The following DIXDC1 variants were observed in gnomAD, a reference collection of about 807,000 sequenced individuals.
DIXDC1 encodes the protein DIX domain containing 1.
A neutral mutation model predicts 103.1 loss-of-function variants in DIXDC1; 64 were observed. That is an observed-to-expected ratio of 0.62 (90% CI 0.51 to 0.76). DIXDC1 has a LOEUF of 0.76. DIXDC1 is among the 30% of genes least tolerant of loss of function. The pLI, the probability that DIXDC1 is intolerant of heterozygous loss-of-function variation, is 0.00. For synonymous variants in DIXDC1, 266 were observed against 298.5 expected (o/e 0.89, Z 1.12); for missense variants, 759 against 834.2 (o/e 0.91, Z 1.11).
In DIXDC1 at chr11:111,977,504, G is replaced by T; in HGVS notation, c.656+2521G>T. ...GCGAGGGGAGGCAGCTTCCGCCGGGGCCGGGCTGCTGCACAGTCTGAGCGG... is the reference window on the plus strand; with the variant it reads ...GCGAGGGGAGGCAGCTTCCGCCGGGTCCGGGCTGCTGCACAGTCTGAGCGG... On this transcript the variant is annotated intron_variant, in intron 5 of 19. Coordinates refer to ENST00000440460, the MANE Select transcript of DIXDC1 (RefSeq NM_001037954.4). This position sits in a 1 kb window ranked among gnomAD's most constrained non-coding sequence, Gnocchi z 6.1. 1 of 1,348,618 alleles carries T rather than the reference G, an allele frequency of 7.4e-7. No homozygotes were observed. Among genetic ancestry groups the T allele is most frequent in the Non-Finnish European group, 9.5e-7 (1 of 1,054,016 alleles). The allele number at this position is 1,348,618 out of a possible 1,614,324, so 83.5% of individuals were successfully genotyped here.
chr11:112,002,039 G>A (rs1025862587), intron 17 of DIXDC1, among the ~76,000 whole-genome samples: 5 of 152,116 alleles, frequency 3.3e-5, no homozygotes, highest in Non-Finnish European at 7.3e-5. Context: ...TTACAGGGGT[G>A]AGCCACTGCG....
At chr11:111,994,590 G>A (rs1566549712) in intron 14 of DIXDC1, among the ~76,000 whole-genome samples, 1 of 149,418 alleles carries the variant, frequency 6.7e-6, no homozygotes, top group African/African-American at 2.5e-5. Flanking sequence ...TGTATATTAT[G>A]TATGTATATG....
intron 1 of DIXDC1, among the ~76,000 whole-genome samples, chr11:111,954,325 T>A (rs1966869522): frequency 6.6e-6 from 1 of 152,110 alleles, no homozygotes; most frequent in Non-Finnish European, 1.5e-5. Flanking sequence ...CCCATGAGAA[T>A]CTAATCCCAC....
intron 17 of DIXDC1, among the ~76,000 whole-genome samples, chr11:112,009,204 TAG>T (rs1357030986): frequency 6.6e-6 from 1 of 152,148 alleles, no homozygotes; most frequent in Non-Finnish European, 1.5e-5. Context: ...CTAGAAAATC[TAG>T]AAGAAATGGA....
At chr11:112,001,349 G>A (rs1861059505) in intron 17 of DIXDC1, among the ~76,000 whole-genome samples, 1 of 152,130 alleles carries the variant, frequency 6.6e-6, no homozygotes, top group Non-Finnish European at 1.5e-5. Flanking sequence ...TTTTCTTTTG[G>A]GATGATGACA....
At chr11:112,013,321 TG>T (rs1403269609) in intron 17 of DIXDC1, among the ~76,000 whole-genome samples, 5 of 35,710 alleles carry the variant, frequency 1.4e-4, no homozygotes, top group African/African-American at 3.9e-4. Context: ...GGTCGGGGGG[TG>T]GGGGTGGGGT....
At chr11:111,975,344 T>TA in intron 5 of DIXDC1, 1 of 1,087,826 alleles carries the variant, frequency 9.2e-7, no homozygotes, top group African/African-American at 1.6e-5. Flanking sequence ...TCCTTGAGCC[T>TA]AAGTGTAACT....
At chr11:111,953,379 G>A (rs1229642617) in intron 1 of DIXDC1, among the ~76,000 whole-genome samples, 1 of 152,154 alleles carries the variant, frequency 6.6e-6, no homozygotes, top group African/African-American at 2.4e-5. Context: ...GCTCACTCCT[G>A]TAATCCCAGC....
intron 1 of DIXDC1, among the ~76,000 whole-genome samples, chr11:111,939,977 A>G (rs1349338356): frequency 6.6e-6 from 1 of 152,252 alleles, no homozygotes; most frequent in African/African-American, 2.4e-5. Context: ...AAGTACATCT[A>G]AAGCTATTCT....
chr11:111,984,504 C>T (rs1555173611), intron 7 of DIXDC1, among the ~76,000 whole-genome samples: 5 of 152,152 alleles, frequency 3.3e-5, no homozygotes, highest in Admixed American at 2.0e-4. Context: ...GGCCACCGCA[C>T]TCCAACCTGG....
At chr11:111,941,816 TCAAAA>T (rs143689242) in intron 1 of DIXDC1, among the ~76,000 whole-genome samples, 6 of 148,490 alleles carry the variant, frequency 4.0e-5, no homozygotes, top group South Asian at 2.1e-4. Flanking sequence ...AGATTCTGTC[TCAAAA>T]CAAAACGAAA....
At chr11:112,000,889 TG>T (rs1191740323) in intron 17 of DIXDC1, among the ~76,000 whole-genome samples, 1 of 152,256 alleles carries the variant, frequency 6.6e-6, no homozygotes, top group East Asian at 1.9e-4. Flanking sequence ...ATGTGAATGG[TG>T]CAGCTGCTGT....
At chr11:111,954,271 A>G (rs1379199267) in intron 1 of DIXDC1, among the ~76,000 whole-genome samples, 1 of 152,172 alleles carries the variant, frequency 6.6e-6, no homozygotes, top group Non-Finnish European at 1.5e-5. Flanking sequence ...AGGAGGGTGC[A>G]ACCTAGATTC....
In DIXDC1 at chr11:111,958,208, T is replaced by A. The variant is rs1859451855; in HGVS notation, c.61-6341T>A. On this transcript the variant is annotated intron_variant, in intron 1 of 19. Coordinates refer to ENST00000440460, the MANE Select transcript of DIXDC1 (RefSeq NM_001037954.4). This position sits in a 1 kb window ranked among gnomAD's most constrained non-coding sequence, Gnocchi z 4.2. ...GGAGTCCCGGCCTCCCGGGCACAGC[T>A]GCAGCCACCCAAACCATGGCTGTGG... 6.6e-6 allele frequency among the ~76,000 whole-genome samples: 1 copy of A among 151,678 alleles called. No homozygotes were observed. Among genetic ancestry groups the A allele is most frequent in the South Asian group, 2.1e-4 (1 of 4,804 alleles).
At chr11:111,962,165 T>G (rs1290736806) in intron 1 of DIXDC1, among the ~76,000 whole-genome samples, 4 of 152,016 alleles carry the variant, frequency 2.6e-5, no homozygotes, top group African/African-American at 4.8e-5. Context: ...CTGAAAAAAG[T>G]GATACTTGAG....
At chr11:111,956,676 G>C (rs1195611332) in intron 1 of DIXDC1, among the ~76,000 whole-genome samples, 1 of 152,028 alleles carries the variant, frequency 6.6e-6, no homozygotes, top group Non-Finnish European at 1.5e-5. Flanking sequence ...TTTTAGTAGA[G>C]ACGAGGTTTC....
At position 112,020,387 on chromosome 11, in the gene DIXDC1, T is replaced by A. The variant is rs1442303228; in HGVS notation, c.*1351T>A. 1 of 152,680 alleles carries A rather than the reference T, an allele frequency of 6.5e-6. No individual in the cohort carries two copies. The highest frequency in any genetic ancestry group is 2.4e-5 in the African/African-American group (1 of 41,464). The allele number at this position is 152,680 out of a possible 1,614,324, so 9.5% of individuals were successfully genotyped here. A position where few individuals can be genotyped will look rare whatever the true frequency, so the allele number is the denominator to read the frequency against. On this transcript the variant is annotated 3_prime_UTR_variant, in exon 20 of 20. Coordinates refer to ENST00000440460, the MANE Select transcript of DIXDC1 (RefSeq NM_001037954.4). ...TCTGTCTCCAATTCATCTCCCCTTT[T>A]CAGCCATTTCAACAAACTACTCTTT...
chr11:111,985,187 A>T, intron 7 of DIXDC1, 45 bp from the exon 8 acceptor site: 2 of 1,488,908 alleles, frequency 1.3e-6, no homozygotes, highest in Admixed American at 1.8e-5. Context: ...GGACTAAGTC[A>T]TCTGAAGGAG....
In DIXDC1 at chr11:111,958,542, G is replaced by A. The variant is rs1015097650; in HGVS notation, c.61-6007G>A. Among the ~76,000 whole-genome samples the A allele has an allele frequency of 5.9e-5, 9 of 152,300 alleles. No individual in the cohort carries two copies. The highest frequency in any genetic ancestry group is 3.3e-4 in the Admixed American group (5 of 15,302). On this transcript the variant is annotated intron_variant, in intron 1 of 19. Coordinates refer to ENST00000440460, the MANE Select transcript of DIXDC1 (RefSeq NM_001037954.4). This position sits in a 1 kb window ranked among gnomAD's most constrained non-coding sequence, Gnocchi z 4.2. Reference sequence around the variant, plus strand: ...TAGCTCCCTCTGGACTTTGGGTGCCGAAAAGCACCAGAGGGAGGCTGAGGG... The same window carrying A: ...TAGCTCCCTCTGGACTTTGGGTGCCAAAAAGCACCAGAGGGAGGCTGAGGG...
Sources: allele counts gnomAD v4.1 joint callset (sites outside exome capture counted in the v4.1 genomes callset), GRCh38; gene constraint gnomAD v4.1.1; non-coding constraint Gnocchi (gnomAD v3.1); transcripts MANE v1.5; gene names NCBI Gene and HGNC (gene_info 2026-07-23, HGNC 2026-07-21).